ARHGAP44: variants seen among roughly 807,000 people sequenced by gnomAD.
ARHGAP44 encodes Rho GTPase activating protein 44, also known as rho GTPase-activating protein 44.
In ARHGAP44, 43 loss-of-function variants were observed where a neutral mutation model predicts 106.8. That is an observed-to-expected ratio of 0.40 (90% CI 0.32 to 0.52). The LOEUF (loss-of-function observed/expected upper bound fraction) is 0.52, where lower values mean the gene tolerates loss of function less well. Among genes scored for constraint, ARHGAP44 ranks in the 20% least tolerant of loss-of-function variants. The pLI is 0.48. For missense variants in ARHGAP44, 866 were observed against 1,050.5 expected (o/e 0.82, Z 2.43); for synonymous variants, 439 against 410.3 (o/e 1.07, Z -0.85).
chr17:12,946,745 G>A (rs2038861836), intron 10 of ARHGAP44, among the ~76,000 whole-genome samples: 1 of 151,140 alleles, frequency 6.6e-6, no homozygotes, highest in Non-Finnish European at 1.5e-5. Context: ...AGGTTGCAAT[G>A]AGCCGAGATC....
chr17:12,855,975 A>C (rs967375648), intron 1 of ARHGAP44, among the ~76,000 whole-genome samples: 2 of 152,182 alleles, frequency 1.3e-5, no homozygotes, highest in East Asian at 3.8e-4. Flanking sequence ...CAAAACCCTC[A>C]ATCTGCTTTA....
intron 16 of ARHGAP44, among the ~76,000 whole-genome samples, chr17:12,959,844 G>C (rs898902254): frequency 1.3e-5 from 2 of 152,252 alleles, no homozygotes; most frequent in African/African-American, 2.4e-5. Flanking sequence ...GCAGACAACA[G>C]GAAGTAACCT....
intron 6 of ARHGAP44, among the ~76,000 whole-genome samples, chr17:12,921,032 C>T (rs1044753626): frequency 2.0e-4 from 30 of 152,104 alleles, no homozygotes; most frequent in African/African-American, 5.8e-4. Flanking sequence ...TTAGGTTTTT[C>T]GTAGACCAAC....
At chr17:12,921,955 G>C (rs2038096905) in intron 6 of ARHGAP44, among the ~76,000 whole-genome samples, 1 of 152,090 alleles carries the variant, frequency 6.6e-6, no homozygotes, top group Non-Finnish European at 1.5e-5. Context: ...AAAGAAACAA[G>C]GGTTTCTTTG....
chr17:12,983,576 G>A (rs1014278153), intron 19 of ARHGAP44, among the ~76,000 whole-genome samples: 6 of 152,236 alleles, frequency 3.9e-5, no homozygotes, highest in East Asian at 1.9e-4. Context: ...AGGCCGAGGC[G>A]GGCGGATCAC....
At chr17:12,849,314 AC>A (rs1448893325) in intron 1 of ARHGAP44, among the ~76,000 whole-genome samples, 1 of 151,768 alleles carries the variant, frequency 6.6e-6, no homozygotes, top group South Asian at 2.1e-4. Flanking sequence ...CCAACATTTA[AC>A]CTATCCCTGT....
chr17:12,801,058 C>T (rs771465877), intron 1 of ARHGAP44, among the ~76,000 whole-genome samples: 3 of 152,078 alleles, frequency 2.0e-5, no homozygotes, highest in Non-Finnish European at 4.4e-5. Flanking sequence ...TTTTTTATTG[C>T]AATTTCAGCA....
intron 1 of ARHGAP44, among the ~76,000 whole-genome samples, chr17:12,886,736 G>A (rs1047194061): frequency 6.6e-6 from 1 of 151,856 alleles, no homozygotes; most frequent in African/African-American, 2.4e-5. Flanking sequence ...ATCTGCAAAT[G>A]GAGACATTTT....
intron 1 of ARHGAP44, among the ~76,000 whole-genome samples, chr17:12,881,665 A>C (rs891637827): frequency 6.6e-6 from 1 of 152,010 alleles, no homozygotes; most frequent in South Asian, 2.1e-4. Context: ...TTGCATTTCC[A>C]TACAAATTTT....
At chr17:12,916,425 C>G (rs773662530) in intron 5 of ARHGAP44, among the ~76,000 whole-genome samples, 26 of 152,036 alleles carry the variant, frequency 1.7e-4, no homozygotes, top group Non-Finnish European at 2.9e-4. Context: ...GCTCTGTCAC[C>G]CAGGCTGGAG....
chr17:12,844,535 G>A (rs1000474282), intron 1 of ARHGAP44, among the ~76,000 whole-genome samples: 2 of 152,138 alleles, frequency 1.3e-5, no homozygotes, highest in South Asian at 4.1e-4. Flanking sequence ...CATTAACTAT[G>A]GGGGACACAT....
intron 4 of ARHGAP44, among the ~76,000 whole-genome samples, chr17:12,915,304 T>C (rs140315841): frequency 6.6e-6 from 1 of 152,342 alleles, no homozygotes; most frequent in African/African-American, 2.4e-5. Flanking sequence ...TACCAGACAA[T>C]GGGAGAATGG....
At chr17:12,870,048 CTTTTT>C (rs3074688) in intron 1 of ARHGAP44, among the ~76,000 whole-genome samples, 1 of 113,098 alleles carries the variant, frequency 8.8e-6, no homozygotes, top group Admixed American at 1.1e-4. Flanking sequence ...CAAATACCGT[CTTTTT>C]TTTTTTTTTT....
In ARHGAP44 at chr17:12,990,315, A is replaced by G; in HGVS notation, c.*144A>G. Reference sequence around the variant, plus strand: ...ACACGAGGTTGGAATTTGGCAGAAAATTGTGATCTCCAGTCCGTGTGGTGA... The same window carrying G: ...ACACGAGGTTGGAATTTGGCAGAAAGTTGTGATCTCCAGTCCGTGTGGTGA... On this transcript the variant is annotated 3_prime_UTR_variant, in exon 21 of 21. Transcript: ENST00000379672. 1 of 1,117,878 alleles carries G rather than the reference A, an allele frequency of 8.9e-7. No individual in the cohort carries two copies. The highest frequency in any genetic ancestry group is 1.2e-6 in the Non-Finnish European group (1 of 801,802). The allele number at this position is 1,117,878 out of a possible 1,614,324, so 69.2% of individuals were successfully genotyped here.
chr17:12,936,603 A>G (rs2038557088), intron 7 of ARHGAP44, among the ~76,000 whole-genome samples: 1 of 152,210 alleles, frequency 6.6e-6, no homozygotes, highest in Admixed American at 6.5e-5. Context: ...ACTGAAGGAC[A>G]TTTTTGTGGC....
intron 4 of ARHGAP44, among the ~76,000 whole-genome samples, chr17:12,910,047 A>G (rs2037677995): frequency 6.6e-6 from 1 of 152,230 alleles, no homozygotes; most frequent in African/African-American, 2.4e-5. Context: ...TCAAGTATTG[A>G]GCGAAAATGT....
intron 1 of ARHGAP44, among the ~76,000 whole-genome samples, chr17:12,842,976 C>T (rs1221815117): frequency 6.6e-6 from 1 of 152,172 alleles, no homozygotes; most frequent in East Asian, 1.9e-4. Context: ...CAAGGCTTTG[C>T]TGAAGCGGCC....
intron 10 of ARHGAP44, among the ~76,000 whole-genome samples, chr17:12,944,781 G>T (rs193165497): frequency 1.3e-5 from 2 of 149,444 alleles, no homozygotes; most frequent in African/African-American, 4.9e-5. Context: ...GAGCCACTGC[G>T]CCCGACCCTG....
At chr17:12,943,559 A>C in intron 8 of ARHGAP44, 29 bp from the exon 9 acceptor site, 6 of 1,610,392 alleles carry the variant, frequency 3.7e-6, no homozygotes, top group Non-Finnish European at 5.1e-6. Flanking sequence ...CCCCTCACTA[A>C]GGGTGATGCT....
Sources: gnomAD v4.1 joint callset for allele counts (sites outside exome capture counted in the v4.1 genomes callset) on GRCh38, gnomAD v4.1.1 for gene constraint, MANE v1.5 for transcripts, NCBI Gene and HGNC (gene_info 2026-07-23, HGNC 2026-07-21) for gene names.